JPH3: variants seen among roughly 807,000 people sequenced by gnomAD.
JPH3 encodes junctophilin-3.
JPH3 carries 11 observed loss-of-function variants against 59.6 expected under a neutral mutation model. The ratio of observed to expected loss-of-function variants is 0.18; its 90% CI spans 0.12 to 0.31. The LOEUF is 0.31. JPH3 is among the 10% of genes least tolerant of loss of function. The probability of loss-of-function intolerance (pLI) is 1.00; values close to 1 mark genes in which losing one functional copy is unlikely to be tolerated. For synonymous variants in JPH3, 673 were observed against 483.6 expected, an observed-to-expected ratio of 1.39 and a Z score of -5.14; for missense variants, 1,202 against 1,105.7, an observed-to-expected ratio of 1.09 and a Z score of -1.24.
intron 1 of JPH3, among the ~76,000 whole-genome samples, chr16:87,629,493 C>T (rs992682216): frequency 5.3e-5 from 8 of 151,278 alleles, no homozygotes; most frequent in Admixed American, 1.3e-4. Flanking sequence ...TCGGAAGCAG[C>T]GAAGATGCCA....
At chr16:87,649,934 C>G (rs2032277941) in intron 2 of JPH3, among the ~76,000 whole-genome samples, 1 of 152,224 alleles carries the variant, frequency 6.6e-6, no homozygotes, top group African/African-American at 2.4e-5. Flanking sequence ...CTGGGACCCC[C>G]TCTCTGCTGC....
At chr16:87,673,184 G>T (rs996470238) in intron 2 of JPH3, among the ~76,000 whole-genome samples, 4 of 151,524 alleles carry the variant, frequency 2.6e-5, no homozygotes, top group Non-Finnish European at 4.4e-5. Flanking sequence ...CATAATAAAA[G>T]CTGGTTTCCT....
At chr16:87,659,394 A>AAAAAAAAAAAAAAAC (rs2032626502) in intron 2 of JPH3, among the ~76,000 whole-genome samples, 1 of 143,850 alleles carries the variant, frequency 7.0e-6, no homozygotes, top group Non-Finnish European at 1.5e-5. Flanking sequence ...AAAGAAAAAA[A>AAAAAAAAAAAAAAAC]AAAAGAAAAC....
chr16:87,655,562 C>T (rs1000937000), intron 2 of JPH3, among the ~76,000 whole-genome samples: 2 of 152,166 alleles, frequency 1.3e-5, no homozygotes, highest in Admixed American at 6.5e-5. Context: ...CTGTGTTGAC[C>T]AGGCTGGTCT....
At chr16:87,643,712 C>T (rs774532252) in intron 1 of JPH3, among the ~76,000 whole-genome samples, 9 of 152,296 alleles carry the variant, frequency 5.9e-5, no homozygotes, top group Middle Eastern at 3.4e-3. Flanking sequence ...TCTCCCTCCC[C>T]GATTTCCAAG....
At chr16:87,647,392 C>T (rs1362462700) in intron 2 of JPH3, among the ~76,000 whole-genome samples, 7 of 151,916 alleles carry the variant, frequency 4.6e-5, no homozygotes, top group South Asian at 2.1e-4. Flanking sequence ...GACAGACAGA[C>T]GGGTGGAGGG....
chr16:87,657,334 A>G (rs1343416236), intron 2 of JPH3, among the ~76,000 whole-genome samples: 1 of 152,210 alleles, frequency 6.6e-6, no homozygotes, highest in Non-Finnish European at 1.5e-5. Flanking sequence ...GTGGCATGTG[A>G]AATCTCTAGA....
rs563155366 is a variant in JPH3 at position 87,684,829 on chromosome 16, G to A, written c.1285+563G>A. The stretch of plus-strand genomic sequence containing the variant: ...TTTAGGAACCTCGTCCTCCCTTCGA[G>A]GGGGGGATCATGGGTGATACGGCCC... On this transcript the variant is annotated intron_variant, in intron 3 of 4. Transcript: ENST00000284262. Among the ~76,000 whole-genome samples, 475 of 152,266 alleles carry A rather than the reference G, an allele frequency of 3.1e-3. 3 individuals are homozygous for A. Among genetic ancestry groups the A allele is most frequent in the Non-Finnish European group, 4.5e-3 (303 of 67,998 alleles).
In JPH3 at chr16:87,690,521, A is replaced by C. The variant is rs1171244809; in HGVS notation, c.2161A>C (p.Ser721Arg). 5.4e-6 allele frequency: 8 copies of C among 1,468,906 alleles called. 1 individual carries two copies. The highest frequency in any genetic ancestry group is 2.9e-5 in the South Asian group (2 of 67,932). The allele number at this position is 1,468,906 out of a possible 1,614,324, so 91.0% of individuals were successfully genotyped here. A position where few individuals can be genotyped will look rare whatever the true frequency, so the allele number is the denominator to read the frequency against. Residue 721 changes from serine (S) to arginine (R), a missense_variant, in exon 4 of 5, where the codon AGT becomes CGT. Coordinates refer to ENST00000284262, the MANE Select transcript of JPH3 (RefSeq NM_020655.4). Reference sequence around the variant, plus strand: ...GGAGAATGGGGATGAGCTCAAGTCCAGTACGGTGAGTGGGCGGCCACCAGG... The same window carrying C: ...GGAGAATGGGGATGAGCTCAAGTCCCGTACGGTGAGTGGGCGGCCACCAGG... ...DEENGDELKS[S>R]TGSAPILVVM...
intron 1 of JPH3, among the ~76,000 whole-genome samples, chr16:87,610,636 C>G (rs1038774158): frequency 1.4e-4 from 21 of 152,310 alleles, no homozygotes; most frequent in Admixed American, 1.2e-3. Flanking sequence ...GTGAGACCCT[C>G]ATGTCCACAG....
chr16:87,644,890 A>C lies in JPH3; in HGVS notation c.1015A>C (p.Lys339Gln). 1 of 1,613,406 alleles carries C rather than the reference A, an allele frequency of 6.2e-7. No individual in the cohort carries two copies. ...PDGTKEEGKY[K>Q]QNILVGGKRK... Reference sequence around the variant, plus strand: ...CGGCACCAAGGAGGAGGGCAAGTACAAGCAGAACATCCTCGTCGGCGGCAA... The same window carrying C: ...CGGCACCAAGGAGGAGGGCAAGTACCAGCAGAACATCCTCGTCGGCGGCAA... Residue 339 changes from lysine to glutamine, a missense_variant, in exon 2 of 5, where the codon AAG becomes CAG. By Grantham distance (53) the Lys-to-Gln change is moderately conservative (BLOSUM62 1). Transcript: ENST00000284262.
intron 1 of JPH3, among the ~76,000 whole-genome samples, chr16:87,616,296 C>T (rs577501145): frequency 2.7e-5 from 4 of 149,660 alleles, no homozygotes; most frequent in South Asian, 4.2e-4. Flanking sequence ...AGCAGTGGCG[C>T]GATCTCAGCT....
chr16:87,687,493 G>A (rs766648999), intron 3 of JPH3, among the ~76,000 whole-genome samples: 12 of 152,168 alleles, frequency 7.9e-5, no homozygotes, highest in Non-Finnish European at 1.3e-4. Context: ...CCAAGGCCAC[G>A]TGAAGGCAGG....
chr16:87,686,649 G>A (rs1327568472), intron 3 of JPH3, among the ~76,000 whole-genome samples: 2 of 148,980 alleles, frequency 1.3e-5, no homozygotes, highest in East Asian at 2.0e-4. Context: ...TGGATTCAGA[G>A]GAGATGCTTC....
chr16:87,690,170 C>G lies in JPH3; in HGVS notation c.1810C>G (p.Gln604Glu). 4.4e-6 allele frequency: 7 copies of G among 1,599,602 alleles called. No homozygotes were observed. The highest frequency in any genetic ancestry group is 1.3e-5 in the African/African-American group (1 of 74,610). The change falls in exon 4 of 5, where the codon CAG (glutamine) becomes GAG (glutamate). Residue 604 changes from glutamine (Q) to glutamate (E), a missense_variant. Gln to Glu is a conservative substitution (Grantham distance 29). Coordinates refer to ENST00000284262, the MANE Select transcript of JPH3 (RefSeq NM_020655.4). ...CGGAGGCTCCAGGCTGCTGGAGCTG[C>G]AGGAGGAGAAGCTGAGCAACTACCG... ...SPGGSRLLELQEEKLSNYRME... is the reference protein window; with the variant it reads ...SPGGSRLLELEEEKLSNYRME...
At chr16:87,675,943 A>G (rs1237416211) in intron 2 of JPH3, among the ~76,000 whole-genome samples, 3 of 152,230 alleles carry the variant, frequency 2.0e-5, no homozygotes, top group African/African-American at 7.2e-5. Context: ...AATGTTTTCC[A>G]TGAAACAACA....
chr16:87,653,202 T>TG (rs1342685885), intron 2 of JPH3, among the ~76,000 whole-genome samples: 2 of 152,216 alleles, frequency 1.3e-5, no homozygotes, highest in Non-Finnish European at 2.9e-5. Flanking sequence ...AGTGTGGCTC[T>TG]GGGGGTGTGT....
intron 2 of JPH3, among the ~76,000 whole-genome samples, chr16:87,668,383 C>T (rs541097820): frequency 4.1e-4 from 62 of 152,328 alleles, no homozygotes; most frequent in African/African-American, 1.3e-3. Context: ...TCTCCGCAGA[C>T]GCCCTTTCCA....
chr16:87,655,426 C>T (rs891067921), intron 2 of JPH3, among the ~76,000 whole-genome samples: 3 of 152,084 alleles, frequency 2.0e-5, no homozygotes, highest in African/African-American at 7.2e-5. Flanking sequence ...CGATCATAGC[C>T]CACTGCAGCC....
Sources: allele counts gnomAD v4.1 joint callset (sites outside exome capture counted in the v4.1 genomes callset), GRCh38; gene constraint gnomAD v4.1.1; transcripts MANE v1.5; gene names NCBI Gene and HGNC (gene_info 2026-07-23, HGNC 2026-07-21).